Variants in PKNOX2 observed in about 807,000 individuals in gnomAD.
PKNOX2 encodes homeobox protein PKNOX2.
Under a neutral mutation model 53.1 loss-of-function variants are expected in PKNOX2, and 14 were observed. That is an observed-to-expected ratio of 0.26 (90% CI 0.17 to 0.41). The LOEUF is 0.41. Among genes scored for constraint, PKNOX2 ranks in the 10% least tolerant of loss-of-function variants. The probability of loss-of-function intolerance (pLI) is 1.00; values close to 1 mark genes in which losing one functional copy is unlikely to be tolerated. For missense variants in PKNOX2, 496 were observed against 602.8 expected (o/e 0.82, Z 1.85); for synonymous variants, 257 against 242.8 (o/e 1.06, Z -0.54).
chr11:125,378,731 C>CA (rs1167129195), intron 5 of PKNOX2, among the ~76,000 whole-genome samples: 2 of 152,186 alleles, frequency 1.3e-5, no homozygotes, highest in African/African-American at 4.8e-5. Context: ...GACAGAGTGG[C>CA]ATGACTGTGA....
chr11:125,413,087 G>A (rs542122434), intron 10 of PKNOX2, among the ~76,000 whole-genome samples: 17 of 152,208 alleles, frequency 1.1e-4, no homozygotes, highest in Admixed American at 5.9e-4. Context: ...GTGTTCCCTC[G>A]CCTCTGGGGG....
intron 2 of PKNOX2, among the ~76,000 whole-genome samples, chr11:125,238,002 G>A (rs550565510): frequency 3.3e-5 from 5 of 152,284 alleles, no homozygotes; most frequent in African/African-American, 9.6e-5. Flanking sequence ...CTGACCTCAC[G>A]TCCCCTGCTC....
intron 1 of PKNOX2, among the ~76,000 whole-genome samples, chr11:125,208,308 A>G (rs1939396376): frequency 6.6e-6 from 1 of 152,048 alleles, no homozygotes; most frequent in Non-Finnish European, 1.5e-5. Context: ...ACCGAGGTAG[A>G]TTGTAAGTTG....
chr11:125,263,235 G>A (rs1945018802), intron 2 of PKNOX2, among the ~76,000 whole-genome samples: 3 of 152,204 alleles, frequency 2.0e-5, no homozygotes, highest in Admixed American at 1.3e-4. Flanking sequence ...GGTTCATAAA[G>A]GAGACCTCCT....
In PKNOX2 at chr11:125,298,841, G is replaced by A. The variant is rs371535669; in HGVS notation, c.-129-32978G>A. ...CACACTTGTAGGGCAGGCCTTCTTC[G>A]CCTCTTTCTTGTTCTTACCTGACCA... On this transcript the variant is annotated intron_variant, in intron 2 of 12. Coordinates refer to ENST00000298282, the MANE Select transcript of PKNOX2 (RefSeq NM_001382323.2). Among the ~76,000 whole-genome samples the A allele has an allele frequency of 1.7e-4, 26 of 152,238 alleles. 3 individuals are homozygous for A. Among genetic ancestry groups the A allele is most frequent in the African/African-American group, 6.3e-4 (26 of 41,552 alleles).
chr11:125,412,765 C>G (rs1565520277), intron 10 of PKNOX2, among the ~76,000 whole-genome samples: 1 of 152,166 alleles, frequency 6.6e-6, no homozygotes, highest in Non-Finnish European at 1.5e-5. Context: ...TTCCAAGGGA[C>G]TGAGGATCCA....
At chr11:125,349,359 TC>T (rs1951173042) in intron 3 of PKNOX2, among the ~76,000 whole-genome samples, 1 of 151,488 alleles carries the variant, frequency 6.6e-6, no homozygotes, top group Non-Finnish European at 1.5e-5. Flanking sequence ...AGAGAGAGGC[TC>T]CCCCAAAGCC....
intron 2 of PKNOX2, among the ~76,000 whole-genome samples, chr11:125,274,532 A>G (rs1946031057): frequency 1.3e-5 from 2 of 152,184 alleles, no homozygotes. Flanking sequence ...CACCTTTTAT[A>G]GACTAGAGAA....
intron 1 of PKNOX2, among the ~76,000 whole-genome samples, chr11:125,217,122 G>A (rs1379884747): frequency 6.6e-6 from 1 of 151,730 alleles, no homozygotes; most frequent in East Asian, 1.9e-4. Context: ...CACCCATGGA[G>A]TCACACACAC....
chr11:125,298,247 T>C (rs1195439366), intron 2 of PKNOX2, among the ~76,000 whole-genome samples: 1 of 152,192 alleles, frequency 6.6e-6, no homozygotes, highest in East Asian at 1.9e-4. Flanking sequence ...TTGCATAGGA[T>C]GCTCTTAAAG....
At chr11:125,383,618 A>C (rs1953408552) in intron 5 of PKNOX2, among the ~76,000 whole-genome samples, 1 of 152,122 alleles carries the variant, frequency 6.6e-6, no homozygotes, top group South Asian at 2.1e-4. Flanking sequence ...CTGTCAAAAA[A>C]ACAAACAAAC....
chr11:125,386,692 G>A (rs554761520), intron 6 of PKNOX2, among the ~76,000 whole-genome samples: 1 of 137,868 alleles, frequency 7.3e-6, no homozygotes, highest in Admixed American at 7.8e-5. Flanking sequence ...AGAAAATGTG[G>A]TTCCAGAAAG....
At position 125,422,631 on chromosome 11, in the gene PKNOX2, G is replaced by A. The variant is rs977441461; in HGVS notation, c.937-6381G>A. On this transcript the variant is annotated intron_variant, in intron 10 of 12. Transcript: ENST00000298282. The surrounding 1 kb of genome is among the most constrained non-coding windows in gnomAD (Gnocchi z 4.1). ...GTCAGCTGCAGGGTTGCATGGAGGC[G>A]CTGAAAAGGGAAGGTGTGCAAGAGA... 6.6e-6 allele frequency among the ~76,000 whole-genome samples: 1 copy of A among 152,152 alleles called. No individual in the cohort carries two copies. Among genetic ancestry groups the A allele is most frequent in the Non-Finnish European group, 1.5e-5 (1 of 68,018 alleles).
chr11:125,399,117 A>G (rs924022088), intron 7 of PKNOX2, among the ~76,000 whole-genome samples: 1 of 152,234 alleles, frequency 6.6e-6, no homozygotes, highest in Non-Finnish European at 1.5e-5. Flanking sequence ...AGCACAAAAG[A>G]TACACTCGGT....
chr11:125,249,362 A>G (rs1447371084), intron 2 of PKNOX2, among the ~76,000 whole-genome samples: 1 of 152,194 alleles, frequency 6.6e-6, no homozygotes, highest in East Asian at 1.9e-4. Flanking sequence ...GGTGCAGCAA[A>G]TAAACAAGAA....
At chr11:125,184,476 G>A (rs758196256) in intron 1 of PKNOX2, 1 of 152,262 alleles carries the variant, frequency 6.6e-6, no homozygotes, top group Non-Finnish European at 1.5e-5. Context: ...TGAAGGTTGG[G>A]TGGGATTGAA....
intron 10 of PKNOX2, among the ~76,000 whole-genome samples, chr11:125,424,060 A>G (rs1165413679): frequency 6.6e-6 from 1 of 152,108 alleles, no homozygotes; most frequent in African/African-American, 2.4e-5. Flanking sequence ...TAGCAAAACT[A>G]TAAAGAAAAG....
intron 2 of PKNOX2, among the ~76,000 whole-genome samples, chr11:125,251,383 A>G (rs1480517223): frequency 2.6e-5 from 4 of 152,126 alleles, no homozygotes; most frequent in African/African-American, 9.7e-5. Context: ...TGAGAGTCTC[A>G]CTTCATTAAA....
At chr11:125,245,494 C>T (rs775999581) in intron 2 of PKNOX2, among the ~76,000 whole-genome samples, 1 of 152,226 alleles carries the variant, frequency 6.6e-6, no homozygotes, top group Middle Eastern at 3.2e-3. Context: ...ACTTGGAGCT[C>T]TCTCTCAAAT....
Sources: gnomAD v4.1 joint callset for allele counts (sites outside exome capture counted in the v4.1 genomes callset) on GRCh38, gnomAD v4.1.1 for gene constraint, Gnocchi (gnomAD v3.1) non-coding constraint, MANE v1.5 for transcripts, NCBI Gene and HGNC (gene_info 2026-07-23, HGNC 2026-07-21) for gene names.